Variants in FHIP2A observed in about 807,000 individuals in gnomAD.
FHIP2A encodes FHF complex subunit HOOK interacting protein 2A.
FHIP2A carries 46 observed loss-of-function variants against 93.5 expected under a neutral mutation model. The observed-to-expected ratio is 0.49, with a 90% confidence interval of 0.39 to 0.63. FHIP2A has a LOEUF of 0.63. Ranked by LOEUF, FHIP2A falls within the 20% of genes least tolerant of loss-of-function variation. The pLI, the probability that FHIP2A is intolerant of heterozygous loss-of-function variation, is 0.00. For synonymous variants in FHIP2A, 332 were observed against 326.5 expected, an observed-to-expected ratio of 1.02 and a Z score of -0.18; for missense variants, 769 against 909.7, an observed-to-expected ratio of 0.85 and a Z score of 1.99.
intron 14 of FHIP2A, among the ~76,000 whole-genome samples, chr10:114,860,151 A>G (rs769720527): frequency 6.6e-6 from 1 of 152,152 alleles, no homozygotes; most frequent in African/African-American, 2.4e-5. Context: ...CCCTTGAACA[A>G]TTTCATTAAT....
chr10:114,869,954 G>C (rs553443926), intron 16 of FHIP2A, among the ~76,000 whole-genome samples: 2 of 152,292 alleles, frequency 1.3e-5, no homozygotes, highest in East Asian at 1.9e-4. Context: ...TTGCGAAGTA[G>C]TGTTGCTCAT....
chr10:114,892,562 C>T (rs1005087176), intron 16 of FHIP2A, among the ~76,000 whole-genome samples: 4 of 151,956 alleles, frequency 2.6e-5, no homozygotes, highest in East Asian at 3.9e-4. Flanking sequence ...CGCCTGAACC[C>T]GGGAGGAGGA....
intron 13 of FHIP2A, among the ~76,000 whole-genome samples, chr10:114,849,829 CTT>C (rs1196460498): frequency 6.6e-6 from 1 of 152,164 alleles, no homozygotes; most frequent in East Asian, 1.9e-4. Context: ...GTCTCTATGA[CTT>C]TGCCTTTTCT....
Position 114,838,291 on chromosome 10 carries a change from C to T in FHIP2A, c.522+2045C>T, listed in dbSNP as rs370849366. Among the ~76,000 whole-genome samples, 9 of 151,826 alleles carry T rather than the reference C, an allele frequency of 5.9e-5. No homozygotes were observed. In the South Asian group the frequency reaches 6.3e-4, roughly 11 times the overall value. On this transcript the variant is annotated intron_variant, in intron 5 of 16. Coordinates refer to ENST00000369248, the MANE Select transcript of FHIP2A (RefSeq NM_020940.4). ...AGGATTCTATTCTGGACTCTTAACT[C>T]GAATTAGGTAAGCAGTTAAGCTGTA...
At chr10:114,823,654 A>C (rs952258411) in intron 1 of FHIP2A, among the ~76,000 whole-genome samples, 3 of 132,242 alleles carry the variant, frequency 2.3e-5, no homozygotes. Flanking sequence ...GCCACCACAC[A>C]CGGCTAATTT....
At chr10:114,887,953 T>G (rs763224824) in intron 16 of FHIP2A, among the ~76,000 whole-genome samples, 43 of 152,206 alleles carry the variant, frequency 2.8e-4, no homozygotes, top group Non-Finnish European at 3.1e-4. Context: ...GCCCTCTGAC[T>G]TCTGGTTAGG....
At chr10:114,880,926 C>G (rs1268788125) in intron 16 of FHIP2A, among the ~76,000 whole-genome samples, 1 of 152,236 alleles carries the variant, frequency 6.6e-6, no homozygotes, top group African/African-American at 2.4e-5. Flanking sequence ...GCAACAGGGA[C>G]CTTCCCTCCT....
intron 16 of FHIP2A, among the ~76,000 whole-genome samples, chr10:114,897,049 T>A (rs1265603016): frequency 6.6e-6 from 1 of 152,174 alleles, no homozygotes; most frequent in Non-Finnish European, 1.5e-5. Flanking sequence ...TAAAAAAAAA[T>A]CAATGTACTT....
chr10:114,872,483 C>G (rs970622277), intron 16 of FHIP2A, among the ~76,000 whole-genome samples: 2 of 152,112 alleles, frequency 1.3e-5, no homozygotes, highest in Admixed American at 1.3e-4. Context: ...TTTAGGGCTG[C>G]CATAGAGCCT....
At chr10:114,829,189 T>G (rs1342600885) in intron 1 of FHIP2A, among the ~76,000 whole-genome samples, 1 of 152,230 alleles carries the variant, frequency 6.6e-6, no homozygotes, top group Non-Finnish European at 1.5e-5. Context: ...AGCTACTAGT[T>G]GGCTATTTTT....
chr10:114,865,412 C>T (rs1466578773), downstream of FHIP2A, among the ~76,000 whole-genome samples: 1 of 152,074 alleles, frequency 6.6e-6, no homozygotes, highest in Non-Finnish European at 1.5e-5. Flanking sequence ...TGAGTATTTG[C>T]CAGAGGTTCT....
At chr10:114,890,839 TTAAA>T (rs975456653) in intron 16 of FHIP2A, among the ~76,000 whole-genome samples, 4 of 150,716 alleles carry the variant, frequency 2.7e-5, no homozygotes, top group Admixed American at 1.3e-4. Context: ...TTTAATAATA[TTAAA>T]TAATTATTGT....
chr10:114,841,535 G>C (rs1039408393), intron 5 of FHIP2A, among the ~76,000 whole-genome samples: 1 of 151,858 alleles, frequency 6.6e-6, no homozygotes, highest in Non-Finnish European at 1.5e-5. Flanking sequence ...CAAGTGATCC[G>C]CCTGCCTCAG....
At chr10:114,869,377 A>G (rs7909566), downstream of FHIP2A, among the ~76,000 whole-genome samples, 48,421 of 152,084 alleles carry the variant, frequency 0.32, 8,288 homozygotes, top group Non-Finnish European at 0.39. Context: ...CTTATCAACA[A>G]TGTAGCAAGT....
chr10:114,870,043 T>C (rs536147340), intron 16 of FHIP2A, among the ~76,000 whole-genome samples: 173 of 152,306 alleles, frequency 1.1e-3, no homozygotes, highest in African/African-American at 3.8e-3. Flanking sequence ...GGCTGAGCAT[T>C]TTAATATCAA....
At chr10:114,858,825 C>T (rs981803919) in intron 14 of FHIP2A, among the ~76,000 whole-genome samples, 2 of 151,978 alleles carry the variant, frequency 1.3e-5, no homozygotes, top group Non-Finnish European at 2.9e-5. Flanking sequence ...AATTAGTTAA[C>T]AAAAACGTAT....
chr10:114,855,161 T>C (rs1460436045), intron 13 of FHIP2A, 36 bp from the exon 14 acceptor site: 1 of 1,579,074 alleles, frequency 6.3e-7, no homozygotes, highest in South Asian at 1.2e-5. Flanking sequence ...AATTTGTTTT[T>C]GTTCTTTAAT....
intron 13 of FHIP2A, among the ~76,000 whole-genome samples, chr10:114,849,289 A>C (rs1215046103): frequency 6.6e-6 from 1 of 152,010 alleles, no homozygotes; most frequent in African/African-American, 2.4e-5. Context: ...TCTCACCCGG[A>C]TCCATTTCTC....
chr10:114,879,656 G>A (rs1393284190), intron 16 of FHIP2A, among the ~76,000 whole-genome samples: 1 of 152,046 alleles, frequency 6.6e-6, no homozygotes. Flanking sequence ...CGTCAACTGG[G>A]GGGCTTTGGT....
Sources: gnomAD v4.1 joint callset for allele counts (sites outside exome capture counted in the v4.1 genomes callset) on GRCh38, gnomAD v4.1.1 for gene constraint, MANE v1.5 for transcripts, NCBI Gene and HGNC (gene_info 2026-07-23, HGNC 2026-07-21) for gene names.